The following WNT9B variants were observed in gnomAD, a reference collection of about 807,000 sequenced individuals.
WNT9B encodes protein Wnt-9b.
A neutral mutation model predicts 30.2 loss-of-function variants in WNT9B; 12 were observed. The observed-to-expected ratio is 0.40, with a 90% CI of 0.26 to 0.64. The LOEUF (loss-of-function observed/expected upper bound fraction) is 0.64, where lower values mean the gene tolerates loss of function less well. Ranked by LOEUF, WNT9B falls within the 30% of genes least tolerant of loss-of-function variation. The pLI, the probability that WNT9B is intolerant of heterozygous loss-of-function variation, is 0.42. For synonymous variants in WNT9B, 218 were observed against 216.9 expected (o/e 1.01, Z -0.05); for missense variants, 442 against 485.2 (o/e 0.91, Z 0.84).
downstream of WNT9B, among the ~76,000 whole-genome samples, chr17:46,884,751 G>A (rs1332229589): frequency 6.6e-6 from 1 of 152,156 alleles, no homozygotes. Context: ...CCACTTGCCT[G>A]AGGTCACACA....
At chr17:46,859,346 GC>G (rs2146562891) in intron 1 of WNT9B, among the ~76,000 whole-genome samples, 1 of 152,288 alleles carries the variant, frequency 6.6e-6, no homozygotes, top group East Asian at 1.9e-4. Flanking sequence ...GGAGTAAGGG[GC>G]AAGCTTATTA....
At chr17:46,838,765 C>A (rs1033299957) in intron 1 of WNT9B, among the ~76,000 whole-genome samples, 1 of 152,098 alleles carries the variant, frequency 6.6e-6, no homozygotes, top group African/African-American at 2.4e-5. Context: ...CAGATGCAGT[C>A]CATAAAAATC....
At chr17:46,838,640 T>G (rs1160492051) in intron 1 of WNT9B, among the ~76,000 whole-genome samples, 3 of 151,912 alleles carry the variant, frequency 2.0e-5, no homozygotes, top group Non-Finnish European at 4.4e-5. Context: ...ATAAATTAAT[T>G]AATTTTAAAA....
chr17:46,872,258 G>A (rs1369262477), intron 1 of WNT9B, among the ~76,000 whole-genome samples: 1 of 152,192 alleles, frequency 6.6e-6, no homozygotes, highest in East Asian at 1.9e-4. Flanking sequence ...TTTCTAACTG[G>A]GCCAATAGGG....
At chr17:46,842,181 G>A (rs769539946) in intron 1 of WNT9B, among the ~76,000 whole-genome samples, 45 of 152,228 alleles carry the variant, frequency 3.0e-4, no homozygotes, top group Non-Finnish European at 6.2e-4. Flanking sequence ...CCTTGGGCAG[G>A]CCACTTCGCC....
chr17:46,874,001 A>AT (rs970542701), intron 2 of WNT9B, among the ~76,000 whole-genome samples: 1 of 151,628 alleles, frequency 6.6e-6, no homozygotes, highest in African/African-American at 2.4e-5. Context: ...AAAAAAAAAA[A>AT]AAAAAATGCA....
chr17:46,840,038 T>A lies in WNT9B; in HGVS notation c.95+6598T>A, dbSNP rs1344420878. On this transcript the variant is annotated intron_variant, in intron 1 of 2. Coordinates refer to the WNT9B transcript ENST00000575372. Reference sequence around the variant, plus strand: ...TTCTTTCTTTCTTTCTTTCTTTTCTTTCTTTCTTTCTCTCTCTCTCTTTCC... The same window carrying A: ...TTCTTTCTTTCTTTCTTTCTTTTCTATCTTTCTTTCTCTCTCTCTCTTTCC... Among the ~76,000 whole-genome samples, 5 of 149,734 alleles carry A rather than the reference T, an allele frequency of 3.3e-5. No homozygotes were observed. In the East Asian group the frequency reaches 8.0e-4, roughly 24 times the overall value.
intron 1 of WNT9B, among the ~76,000 whole-genome samples, chr17:46,870,095 G>A (rs1191700501): frequency 1.3e-5 from 2 of 152,208 alleles, no homozygotes; most frequent in East Asian, 3.9e-4. Context: ...TGGCATTTGA[G>A]GCAGGTCTTG....
At chr17:46,868,028 T>C (rs1360605335) in intron 1 of WNT9B, among the ~76,000 whole-genome samples, 2 of 152,046 alleles carry the variant, frequency 1.3e-5, no homozygotes, top group Non-Finnish European at 1.5e-5. Flanking sequence ...CATTGCTTTC[T>C]TAATGGGAAA....
chr17:46,874,942 C>A, intron 2 of WNT9B, 159 bp from the exon 3 acceptor site: 1 of 1,145,500 alleles, frequency 8.7e-7, no homozygotes, highest in Non-Finnish European at 1.3e-6. Context: ...GGGAGACCCA[C>A]CCGGAGCTGT....
At chr17:46,869,486 C>T (rs552684832) in intron 1 of WNT9B, among the ~76,000 whole-genome samples, 1 of 152,314 alleles carries the variant, frequency 6.6e-6, no homozygotes, top group East Asian at 1.9e-4. Flanking sequence ...CCACCCACTC[C>T]ATGCCAGAAG....
intron 1 of WNT9B, among the ~76,000 whole-genome samples, chr17:46,863,939 C>G (rs367687532): frequency 9.2e-5 from 14 of 152,232 alleles, no homozygotes; most frequent in African/African-American, 3.4e-4. Flanking sequence ...TACAGCTGGG[C>G]GAAGGGTGTG....
Position 46,876,591 on chromosome 17 carries a change from G to A in WNT9B, c.947G>A (p.Cys316Tyr). The A allele has an allele frequency of 6.2e-7, 1 of 1,613,322 alleles. No individual in the cohort carries two copies. Among genetic ancestry groups the A allele is most frequent in the Non-Finnish European group, 8.5e-7 (1 of 1,179,782 alleles). ...SREASCSSLC[C>Y]GRGYDTQSRL... ...GAGGCCAGCTGCAGCAGCCTGTGCT[G>A]CGGGCGGGGCTATGACACCCAGAGC... Residue 316 changes from cysteine to tyrosine, a missense_variant, in exon 4 of 4, where the codon TGC becomes TAC. By Grantham distance (194) the Cys-to-Tyr change is radical. Transcript: ENST00000290015.
In WNT9B at chr17:46,872,537, T is replaced by C. The variant is rs1248391615; in HGVS notation, c.98T>C (p.Leu33Pro). Residue 33 changes from leucine (L) to proline (P), a missense_variant, in exon 2 of 4, where the codon CTG (leucine) becomes CCG (proline). Leu to Pro is a moderately conservative substitution (Grantham distance 98, BLOSUM62 -3). Coordinates refer to ENST00000290015, the MANE Select transcript of WNT9B (RefSeq NM_003396.3). ...SYFGLTGREV[L>P]TPFPGLGTAA... Reference sequence around the variant, plus strand: ...TCTAGCCTGACCGGGCGGGAAGTCCTGACGCCCTTCCCAGGATTGGGCACT... The same window carrying C: ...TCTAGCCTGACCGGGCGGGAAGTCCCGACGCCCTTCCCAGGATTGGGCACT... 6.4e-7 allele frequency: 1 copy of C among 1,557,608 alleles called. No homozygotes were observed.
chr17:46,872,808 G>A (rs773323869), intron 2 of WNT9B, 35 bp downstream of exon 2: 1 of 1,481,484 alleles, frequency 6.7e-7, no homozygotes, highest in Non-Finnish European at 9.3e-7. Flanking sequence ...GGAGGGCTGG[G>A]GGAAGAAGCC....
downstream of WNT9B, among the ~76,000 whole-genome samples, chr17:46,883,738 G>C (rs1417765429): frequency 6.6e-6 from 1 of 152,214 alleles, no homozygotes; most frequent in Non-Finnish European, 1.5e-5. Flanking sequence ...GGGTATGAGG[G>C]AGTTGCAAGG....
intron 1 of WNT9B, among the ~76,000 whole-genome samples, chr17:46,869,769 C>T (rs555902405): frequency 1.3e-5 from 2 of 152,242 alleles, no homozygotes; most frequent in East Asian, 1.9e-4. Flanking sequence ...GAGGCTGAGG[C>T]GGGCAGGTCA....
chr17:46,858,229 A>T (rs1407515351), intron 1 of WNT9B, among the ~76,000 whole-genome samples: 1 of 152,058 alleles, frequency 6.6e-6, no homozygotes, highest in Non-Finnish European at 1.5e-5. Flanking sequence ...TTGGCCTAAG[A>T]GTTCTTTATA....
intron 1 of WNT9B, among the ~76,000 whole-genome samples, chr17:46,860,632 G>A (rs573805999): frequency 6.6e-6 from 1 of 152,280 alleles, no homozygotes; most frequent in African/African-American, 2.4e-5. Flanking sequence ...CTCTATATAA[G>A]GATTCCAAGA....
Sources: allele counts gnomAD v4.1 joint callset (sites outside exome capture counted in the v4.1 genomes callset), GRCh38; gene constraint gnomAD v4.1.1; transcripts MANE v1.5; gene names NCBI Gene and HGNC (gene_info 2026-07-23, HGNC 2026-07-21).